The following DDIAS variants were observed in gnomAD, a reference collection of about 807,000 sequenced individuals.
DDIAS encodes the protein DNA damage induced apoptosis suppressor.
In DDIAS, 14 loss-of-function variants were observed where a neutral mutation model predicts 15.7. That is an observed-to-expected ratio of 0.89 (90% CI 0.59 to 1.39). The LOEUF is 1.39. Ranked by LOEUF, DDIAS falls within the 40% of genes most tolerant of loss-of-function variation. DDIAS has a pLI of 0.00. For synonymous variants in DDIAS, 355 were observed against 395.9 expected, an observed-to-expected ratio of 0.90 and a Z score of 1.23; for missense variants, 1,035 against 1,130.9, an observed-to-expected ratio of 0.92 and a Z score of 1.22.
rs1451876122 is a variant in DDIAS at position 82,930,160 on chromosome 11, C to A, written c.279C>A (p.Tyr93Ter). 1 of 1,535,550 alleles carries A rather than the reference C, an allele frequency of 6.5e-7. No homozygotes were observed. Among genetic ancestry groups the A allele is most frequent in the Non-Finnish European group, 8.9e-7 (1 of 1,126,464 alleles). ...FGLTATGLHR[Y>*]IQDPNKIPET... ...TTTTACTTTTTTTCCAATCAAGGTA[C>A]ATTCAGGATCCTAATAAAATTCCAG... is the stretch of plus-strand genomic sequence containing the variant. Residue 93 changes from tyrosine to a stop codon, truncating the protein, a stop_gained, in exon 5 of 6, where the codon TAC (tyrosine) becomes TAA (stop). Coordinates refer to ENST00000533655, the MANE Select transcript of DDIAS (RefSeq NM_145018.4). LOFTEE classifies it high-confidence loss of function.
At chr11:82,914,051 C>T (rs188187874) in intron 2 of DDIAS, 134 of 369,790 alleles carry the variant, frequency 3.6e-4, no homozygotes, top group Admixed American at 1.5e-3. Context: ...ATTCTCCTGC[C>T]GCAGCCTCCT....
intron 3 of DDIAS, among the ~76,000 whole-genome samples, chr11:82,928,497 C>A (rs1179436559): frequency 6.6e-6 from 1 of 152,048 alleles, no homozygotes; most frequent in Non-Finnish European, 1.5e-5. Context: ...CCGCGCCCGG[C>A]CTTTTCGTCC....
chr11:82,909,623 C>T (rs1860488126), intron 1 of DDIAS, among the ~76,000 whole-genome samples: 1 of 152,188 alleles, frequency 6.6e-6, no homozygotes, highest in Admixed American at 6.5e-5. Flanking sequence ...GAGGTTTTAG[C>T]ACTTACAATG....
In DDIAS at chr11:82,931,891, T is replaced by C. The variant is rs753077296; in HGVS notation, c.553T>C (p.Leu185=). ...TGTCATTGACTACTTCCATCAACTTTTGCAGACTTTTAATTTCAGGAAACT... is the reference window on the plus strand; with the variant it reads ...TGTCATTGACTACTTCCATCAACTTCTGCAGACTTTTAATTTCAGGAAACT... ...FTVIDYFHQL[L]QTFNFRKLQC... The change falls in exon 6 of 6, where the codon TTG becomes CTG. Residue 185 remains leucine (L), a synonymous_variant. Transcript: ENST00000533655. The C allele has an allele frequency of 2.5e-6, 4 of 1,614,072 alleles. No homozygotes were observed. The highest frequency in any genetic ancestry group is 3.4e-6 in the Non-Finnish European group (4 of 1,180,044).
Position 82,929,013 on chromosome 11 carries a change from AT to A in DDIAS, c.275+80del, listed in dbSNP as rs1360691345. 4.1e-6 allele frequency: 6 copies of A among 1,477,662 alleles called. No homozygotes were observed. In the East Asian group the frequency reaches 1.4e-4, roughly 34 times the overall value. 91.5% of individuals were successfully genotyped at this position (1,477,662 alleles called of 1,614,324 possible). A position where few individuals can be genotyped will look rare whatever the true frequency, so the allele number is the denominator to read the frequency against. ...GATACAAGTTTATAAGGCAATATGC[AT>A]TTTTGTAGAAAGATAATCATTCAAC... On this transcript the variant is annotated intron_variant, in intron 4 of 5. Transcript: ENST00000533655.
At chr11:82,912,447 A>G (rs1432434225) in intron 1 of DDIAS, among the ~76,000 whole-genome samples, 2 of 152,144 alleles carry the variant, frequency 1.3e-5, no homozygotes, top group African/African-American at 4.8e-5. Context: ...TTCTTTTCCT[A>G]AACTTCAAGA....
At position 82,932,162 on chromosome 11, in the gene DDIAS, A is replaced by T. The variant is rs1170198871; in HGVS notation, c.824A>T (p.Lys275Met). The T allele has an allele frequency of 1.2e-5, 20 of 1,614,212 alleles. No individual in the cohort carries two copies. The highest frequency in any genetic ancestry group is 1.7e-5 in the Non-Finnish European group (20 of 1,180,016). The change falls in exon 6 of 6, where the codon AAG becomes ATG. Residue 275 changes from lysine to methionine, a missense_variant. Transcript: ENST00000533655. Reference sequence around the variant, plus strand: ...TTTGGTACTCTTCAGCAGAACAGAAAGTCCATCTCCATTGCAGAGGCCACT... The same window carrying T: ...TTTGGTACTCTTCAGCAGAACAGAATGTCCATCTCCATTGCAGAGGCCACT... ...KAFGTLQQNR[K>M]SISIAEATGS...
chr11:82,933,682 C>G lies in DDIAS; in HGVS notation c.2344C>G (p.Gln782Glu), dbSNP rs748545360. ...SQSTPISGFH[Q>E]TRIHGINRAF... ...GTCAACTCCAATTTCAGGGTTCCAC[C>G]AAACAAGAATTCATGGGATAAACAG... Residue 782 changes from glutamine (Q) to glutamate (E), a missense_variant, in exon 6 of 6, where the codon CAA becomes GAA. Physicochemically the swap from Gln to Glu is conservative, Grantham distance 29. Transcript: ENST00000533655. The G allele has an allele frequency of 3.7e-6, 6 of 1,613,838 alleles. No individual in the cohort carries two copies. In the African/African-American group the frequency reaches 8.0e-5, roughly 22 times the overall value.
chr11:82,910,606 CTTTTTTTTTTTTTTTTTTT>C (rs869173859), intron 1 of DDIAS, among the ~76,000 whole-genome samples: 1 of 89,110 alleles, frequency 1.1e-5, no homozygotes, highest in African/African-American at 5.4e-5. Flanking sequence ...CTCTCTCTCT[CTTTTTTTTTTTTTTTTTTT>C]TTTTTTTTGA....
chr11:82,914,010 C>T (rs1860577356), intron 2 of DDIAS: 2 of 416,310 alleles, frequency 4.8e-6, no homozygotes, highest in South Asian at 3.5e-5. Flanking sequence ...AATCTCGGCT[C>T]ACTGCAACCT....
At position 82,933,101 on chromosome 11, in the gene DDIAS, T is replaced by C. The variant is rs777907529; in HGVS notation, c.1763T>C (p.Met588Thr). The change falls in exon 6 of 6, where the codon ATG (methionine) becomes ACG (threonine). Residue 588 changes from methionine to threonine, a missense_variant. Coordinates refer to ENST00000533655, the MANE Select transcript of DDIAS (RefSeq NM_145018.4). ...NGCGEISVSE[M>T]NEKLTTLCYR... The stretch of plus-strand genomic sequence containing the variant: ...TGTGGAGAAATATCAGTTTCAGAAA[T>C]GAATGAAAAGTTGACAACTCTGTGT... The C allele has an allele frequency of 1.2e-6, 2 of 1,602,426 alleles. No individual in the cohort carries two copies. Among genetic ancestry groups the C allele is most frequent in the South Asian group, 1.1e-5 (1 of 89,942 alleles).
chr11:82,926,961 T>C (rs1860875260), intron 3 of DDIAS, among the ~76,000 whole-genome samples: 1 of 152,226 alleles, frequency 6.6e-6, no homozygotes, highest in East Asian at 1.9e-4. Context: ...TTCTTTATTT[T>C]AACCATTTGG....
intron 5 of DDIAS, among the ~76,000 whole-genome samples, chr11:82,930,764 C>T (rs1294447673): frequency 6.8e-6 from 1 of 147,904 alleles, no homozygotes; most frequent in African/African-American, 2.5e-5. Context: ...AAAGAAGTTA[C>T]TCCTTTGACT....
chr11:82,916,949 T>G (rs1860644294), intron 3 of DDIAS, among the ~76,000 whole-genome samples: 1 of 152,302 alleles, frequency 6.6e-6, no homozygotes, highest in East Asian at 1.9e-4. Flanking sequence ...AAGTTTGTAT[T>G]CAGAATGACA....
At chr11:82,919,768 G>A (rs925167310) in intron 3 of DDIAS, among the ~76,000 whole-genome samples, 4 of 152,104 alleles carry the variant, frequency 2.6e-5, no homozygotes, top group African/African-American at 9.7e-5. Context: ...GTCTCACTCT[G>A]TCGCCCAGGC....
chr11:82,933,684 A>T lies in DDIAS; in HGVS notation c.2346A>T (p.Gln782His). Residue 782 changes from glutamine (Q) to histidine (H), a missense_variant, in exon 6 of 6, where the codon CAA becomes CAT. Coordinates refer to ENST00000533655, the MANE Select transcript of DDIAS (RefSeq NM_145018.4). ...CAACTCCAATTTCAGGGTTCCACCA[A>T]ACAAGAATTCATGGGATAAACAGAG... ...SQSTPISGFHQTRIHGINRAF... is the reference protein window; with the variant it reads ...SQSTPISGFHHTRIHGINRAF... 1 of 1,614,134 alleles carries T rather than the reference A, an allele frequency of 6.2e-7. No homozygotes were observed. Among genetic ancestry groups the T allele is most frequent in the Non-Finnish European group, 8.5e-7 (1 of 1,180,006 alleles).
intron 2 of DDIAS, chr11:82,913,930 T>G (rs1860573220): frequency 2.3e-6 from 1 of 443,366 alleles, no homozygotes; most frequent in Non-Finnish European, 4.5e-6. Flanking sequence ...GGTAATTTTA[T>G]ACAATACTTT....
chr11:82,925,454 C>T (rs1860839558), intron 3 of DDIAS, among the ~76,000 whole-genome samples: 1 of 152,060 alleles, frequency 6.6e-6, no homozygotes, highest in African/African-American at 2.4e-5. Flanking sequence ...TAAAATTAGC[C>T]ACATATGGTG....
At chr11:82,925,222 G>C (rs904093330) in intron 3 of DDIAS, among the ~76,000 whole-genome samples, 1 of 152,058 alleles carries the variant, frequency 6.6e-6, no homozygotes, top group African/African-American at 2.4e-5. Flanking sequence ...CCATGTAAAG[G>C]GTCTGTTTTT....
Sources: gnomAD v4.1 joint callset for allele counts (sites outside exome capture counted in the v4.1 genomes callset) on GRCh38, gnomAD v4.1.1 for gene constraint, MANE v1.5 for transcripts, NCBI Gene and HGNC (gene_info 2026-07-23, HGNC 2026-07-21) for gene names.